Variants in MTERF3 observed in about 807,000 individuals in gnomAD.
MTERF3 encodes the protein mitochondrial transcription termination factor 3.
A neutral mutation model predicts 40.5 loss-of-function variants in MTERF3; 40 were observed. That is an observed-to-expected ratio of 0.99 (90% CI 0.77 to 1.29). The LOEUF (loss-of-function observed/expected upper bound fraction) is 1.29, where lower values mean the gene tolerates loss of function less well. Ranked by LOEUF, MTERF3 falls within the 50% of genes most tolerant of loss-of-function variation. MTERF3 has a pLI of 0.00. For synonymous variants in MTERF3, 158 were observed against 166.6 expected (o/e 0.95, Z 0.40); for missense variants, 452 against 478.2 (o/e 0.95, Z 0.51).
At position 96,250,968 on chromosome 8, in the gene MTERF3, C is replaced by A; in HGVS notation, c.615G>T (p.Leu205=). The A allele has an allele frequency of 6.2e-7, 1 of 1,607,952 alleles. No individual in the cohort carries two copies. Among genetic ancestry groups the A allele is most frequent in the South Asian group, 1.1e-5 (1 of 89,354 alleles). ...CATGATTTTTTGTCAGGAATGCTCC[C>A]AGTTGGTTATCCTCTATACCCACAT... ...LKDVGIEDNQ[L]GAFLTKNHAI... is the part of the protein sequence containing the mutation. Residue 205 remains leucine, a synonymous_variant, in exon 4 of 8, where the codon CTG becomes CTT. Coordinates refer to ENST00000287025, the MANE Select transcript of MTERF3 (RefSeq NM_015942.5).
chr8:96,250,568 A>G lies in MTERF3; in HGVS notation c.677+338T>C, dbSNP rs1416496269. On this transcript the variant is annotated intron_variant, in intron 4 of 7. Transcript: ENST00000287025. ...TCTCCTAAAAATACAAAAATTAGCC[A>G]GGCATGGTGGCCACCTGTAGTCACC... is the stretch of plus-strand genomic sequence containing the variant. 2.1e-5 allele frequency among the ~76,000 whole-genome samples: 3 copies of G among 143,518 alleles called. No homozygotes were observed. The East Asian group carries it at 6.2e-4, about 30-fold the overall frequency. 94.2% of individuals were successfully genotyped at this position (143,518 alleles called of 152,430 possible).
intron 3 of MTERF3, 151 bp downstream of exon 3, chr8:96,256,811 G>A: frequency 1.9e-6 from 1 of 526,788 alleles, no homozygotes; most frequent in Non-Finnish European, 3.0e-6. Flanking sequence ...GATGAGGCAG[G>A]GAATACGGTT....
intron 7 of MTERF3, among the ~76,000 whole-genome samples, chr8:96,242,817 A>G (rs1809953171): frequency 6.6e-6 from 1 of 152,236 alleles, no homozygotes; most frequent in South Asian, 2.1e-4. Context: ...AACAGAGATC[A>G]TGTCTGCTTG....
intron 4 of MTERF3, 34 bp downstream of exon 4, chr8:96,250,861 ATAACCACTTCT>A (rs771073363): frequency 6.5e-7 from 1 of 1,536,084 alleles, no homozygotes; most frequent in Admixed American, 2.1e-5. Context: ...TATTTCCTTC[ATAACCACTTCT>A]TAGGTTATAT....
chr8:96,258,150 TA>T, intron 2 of MTERF3: 1 of 726,872 alleles, frequency 1.4e-6, no homozygotes, highest in Non-Finnish European at 1.7e-6. Flanking sequence ...TGTGTAGCTA[TA>T]AAATAATCTT....
chr8:96,244,373 T>C (rs1316636234), intron 6 of MTERF3, among the ~76,000 whole-genome samples: 1 of 151,108 alleles, frequency 6.6e-6, no homozygotes, highest in African/African-American at 2.4e-5. Flanking sequence ...CCTCCCGAAG[T>C]GCTTACAGGT....
chr8:96,250,683 G>GACGAAGAAGAAGACGAA (rs1479466031), intron 4 of MTERF3, among the ~76,000 whole-genome samples: 5 of 58,928 alleles, frequency 8.5e-5, no homozygotes, highest in African/African-American at 3.4e-4. Context: ...AGAAGAAGAA[G>GACGAAGAAGAAGACGAA]GAGGAGGAGG....
Position 96,239,515 on chromosome 8 carries a change from A to G in MTERF3, c.1230T>C (p.Phe410=). Reference sequence around the variant, plus strand: ...TCTAAAGCGTTTTTAAGAATTTTTCAAAGTCCTGTACTGATGCTTTGGCAA... The same window carrying G: ...TCTAAAGCGTTTTTAAGAATTTTTCGAAGTCCTGTACTGATGCTTTGGCAA... ...EEIAKASVQD[F]EKFLKTL The change falls in exon 8 of 8, where the codon TTT becomes TTC. Residue 410 remains phenylalanine (F), a synonymous_variant. Transcript: ENST00000287025. The G allele has an allele frequency of 6.3e-7, 1 of 1,590,242 alleles. No individual in the cohort carries two copies. The highest frequency in any genetic ancestry group is 8.5e-7 in the Non-Finnish European group (1 of 1,174,194).
chr8:96,258,769 CA>C, intron 1 of MTERF3, 69 bp from the exon 2 acceptor site: 1 of 1,142,098 alleles, frequency 8.8e-7, no homozygotes. Context: ...AAACGGTATT[CA>C]AACAACAAAA....
At chr8:96,261,080 T>C (rs970789741) in intron 1 of MTERF3, among the ~76,000 whole-genome samples, 1 of 152,216 alleles carries the variant, frequency 6.6e-6, no homozygotes, top group East Asian at 1.9e-4. Context: ...AATTCATATA[T>C]ACTGTTCTCA....
chr8:96,245,808 G>A, intron 6 of MTERF3, 52 bp downstream of exon 6: 1 of 1,507,396 alleles, frequency 6.6e-7, no homozygotes, highest in Non-Finnish European at 9.2e-7. Context: ...CTCTTCAGAG[G>A]ATTTTAACAC....
chr8:96,250,647 G>GAAAGAAGAAGAAAGAAGAAGA (rs1374036912), intron 4 of MTERF3, among the ~76,000 whole-genome samples: 1 of 25,104 alleles, frequency 4.0e-5, no homozygotes, highest in Non-Finnish European at 8.4e-5. Flanking sequence ...AGAAGAAGAA[G>GAAAGAAGAAGAAAGAAGAAGA]AAGAAGAAGA....
At position 96,258,565 on chromosome 8, in the gene MTERF3, AG is replaced by A; in HGVS notation, c.125del (p.Ser42LeufsTer50). On this transcript the variant is annotated frameshift_variant, in exon 2 of 8. Coordinates refer to ENST00000287025, the MANE Select transcript of MTERF3 (RefSeq NM_015942.5). LOFTEE classifies it high-confidence loss of function. ...RPARTLLHGF[S>X]AQPQISSDNC... Reference sequence around the variant, plus strand: ...TGTCAGAGGATATCTGAGGCTGAGCAGAAAAGCCATGTAACAGTGTTCTTGC... The same window carrying A: ...TGTCAGAGGATATCTGAGGCTGAGCAAAAAGCCATGTAACAGTGTTCTTGC... The A allele has an allele frequency of 6.2e-7, 1 of 1,614,200 alleles. No individual in the cohort carries two copies. The highest frequency in any genetic ancestry group is 8.5e-7 in the Non-Finnish European group (1 of 1,180,004).
intron 4 of MTERF3, among the ~76,000 whole-genome samples, 181 bp downstream of exon 4, chr8:96,250,723 ATG>A: frequency 7.6e-6 from 1 of 131,302 alleles, no homozygotes; most frequent in Non-Finnish European, 1.6e-5. Context: ...GAGAAGAAGA[ATG>A]GGTACTTGAA....
intron 2 of MTERF3, among the ~76,000 whole-genome samples, chr8:96,257,792 G>A (rs1219812443): frequency 6.6e-6 from 1 of 152,008 alleles, no homozygotes; most frequent in Non-Finnish European, 1.5e-5. Context: ...ATCATTTATA[G>A]CCAGCATCTC....
chr8:96,256,179 C>T lies in MTERF3; in HGVS notation c.487+783G>A, dbSNP rs541288434. Among the ~76,000 whole-genome samples, 48 of 152,282 alleles carry T rather than the reference C, an allele frequency of 3.2e-4. 1 individual carries two copies. In the South Asian group the frequency reaches 8.9e-3, roughly 28 times the overall value. On this transcript the variant is annotated intron_variant, in intron 3 of 7. Coordinates refer to ENST00000287025, the MANE Select transcript of MTERF3 (RefSeq NM_015942.5). Reference sequence around the variant, plus strand: ...TAAGATGACTAAATGAAAGTTTGGACGGAGATCCCCTGGCTCCCTTAAGCT... The same window carrying T: ...TAAGATGACTAAATGAAAGTTTGGATGGAGATCCCCTGGCTCCCTTAAGCT...
intron 4 of MTERF3, 61 bp from the exon 5 acceptor site, chr8:96,246,515 G>C (rs1177668336): frequency 5.7e-6 from 8 of 1,414,790 alleles, no homozygotes; most frequent in Non-Finnish European, 7.6e-6. Flanking sequence ...TTTTGAGATG[G>C]AGTCTCATGC....
chr8:96,245,561 A>G (rs571753028), intron 6 of MTERF3, among the ~76,000 whole-genome samples: 7 of 152,346 alleles, frequency 4.6e-5, no homozygotes, highest in African/African-American at 1.7e-4. Flanking sequence ...AGACGCCCAC[A>G]CTGGGCAACA....
chr8:96,249,991 T>C (rs1810094336), intron 4 of MTERF3, among the ~76,000 whole-genome samples: 1 of 152,062 alleles, frequency 6.6e-6, no homozygotes, highest in African/African-American at 2.4e-5. Context: ...CATGTTAACT[T>C]AGGGACAGGG....
Sources: gnomAD v4.1 joint callset for allele counts (sites outside exome capture counted in the v4.1 genomes callset) on GRCh38, gnomAD v4.1.1 for gene constraint, MANE v1.5 for transcripts, NCBI Gene and HGNC (gene_info 2026-07-23, HGNC 2026-07-21) for gene names.